Variants in AK5 observed in about 807,000 individuals in gnomAD.
AK5 encodes the protein adenylate kinase isoenzyme 5.
Under a neutral mutation model 69.5 loss-of-function variants are expected in AK5, and 27 were observed. That is an observed-to-expected ratio of 0.39 (90% CI 0.29 to 0.54). The LOEUF is 0.54. Among genes scored for constraint, AK5 ranks in the 20% least tolerant of loss-of-function variants. The probability of loss-of-function intolerance (pLI) is 0.71; values close to 1 mark genes in which losing one functional copy is unlikely to be tolerated. For synonymous variants in AK5, 260 were observed against 244.4 expected (o/e 1.06, Z -0.60); for missense variants, 531 against 700.4 (o/e 0.76, Z 2.73).
At chr1:77,457,801 G>A (rs1488276591) in intron 8 of AK5, among the ~76,000 whole-genome samples, 2 of 152,126 alleles carry the variant, frequency 1.3e-5, no homozygotes, top group African/African-American at 2.4e-5. Context: ...GGAGTAGGAG[G>A]CTCAGCCAGT....
At chr1:77,284,846 A>C (rs1215145593) in intron 1 of AK5, among the ~76,000 whole-genome samples, 1 of 152,236 alleles carries the variant, frequency 6.6e-6, no homozygotes, top group East Asian at 1.9e-4. Flanking sequence ...TCCCATTTTA[A>C]AATCAATGCC....
intron 10 of AK5, among the ~76,000 whole-genome samples, chr1:77,488,028 A>C (rs1241570464): frequency 1.3e-5 from 2 of 152,224 alleles, no homozygotes; most frequent in Admixed American, 1.3e-4. Flanking sequence ...GTGACCAGGG[A>C]AGGCTTCCCT....
chr1:77,286,487 T>C (rs1208248865), intron 1 of AK5, among the ~76,000 whole-genome samples: 1 of 151,722 alleles, frequency 6.6e-6, no homozygotes, highest in Non-Finnish European at 1.5e-5. Context: ...TAATTGTTTA[T>C]TAAAAGACAA....
chr1:77,291,738 C>T (rs77561325), intron 2 of AK5, among the ~76,000 whole-genome samples: 18 of 152,260 alleles, frequency 1.2e-4, no homozygotes, highest in East Asian at 3.9e-4. Context: ...AGCTCCAGAC[C>T]GTAGGTAAGG....
At chr1:77,333,627 C>T (rs1449721016) in intron 5 of AK5, among the ~76,000 whole-genome samples, 1 of 150,726 alleles carries the variant, frequency 6.6e-6, no homozygotes, top group Non-Finnish European at 1.5e-5. Flanking sequence ...CAAACTATGG[C>T]CCATGTGCCA....
At chr1:77,337,864 T>A (rs1431607794) in intron 5 of AK5, among the ~76,000 whole-genome samples, 1 of 152,238 alleles carries the variant, frequency 6.6e-6, no homozygotes, top group Non-Finnish European at 1.5e-5. Flanking sequence ...ATTGTCTGAT[T>A]CTACAATCCA....
At chr1:77,410,842 A>G (rs1649995569) in intron 6 of AK5, 139 bp from the exon 7 acceptor site, 1 of 656,178 alleles carries the variant, frequency 1.5e-6, no homozygotes, top group East Asian at 2.8e-5. Flanking sequence ...TAAATGTCTG[A>G]TTAAAGACTC....
chr1:77,301,769 A>C (rs952305051), intron 5 of AK5, among the ~76,000 whole-genome samples: 1 of 152,196 alleles, frequency 6.6e-6, no homozygotes, highest in African/African-American at 2.4e-5. Flanking sequence ...CAATGAAATA[A>C]AGGCTCCTAT....
At chr1:77,506,435 G>A (rs2100277333) in intron 10 of AK5, among the ~76,000 whole-genome samples, 1 of 152,176 alleles carries the variant, frequency 6.6e-6, no homozygotes, top group East Asian at 1.9e-4. Context: ...AGCTGTAGGA[G>A]GTCACCAGCT....
At chr1:77,339,415 T>C (rs1661532526) in intron 5 of AK5, among the ~76,000 whole-genome samples, 1 of 152,208 alleles carries the variant, frequency 6.6e-6, no homozygotes, top group Admixed American at 6.5e-5. Flanking sequence ...GTTCTTTTCA[T>C]CCTACTTCTT....
At chr1:77,388,713 C>A (rs966630843) in intron 6 of AK5, among the ~76,000 whole-genome samples, 2 of 150,588 alleles carry the variant, frequency 1.3e-5, no homozygotes, top group African/African-American at 4.9e-5. Context: ...CTATTATGCT[C>A]TACTGAAAAC....
intron 8 of AK5, among the ~76,000 whole-genome samples, chr1:77,473,638 T>C (rs865953181): frequency 1.3e-5 from 2 of 152,162 alleles, no homozygotes; most frequent in African/African-American, 2.4e-5. Flanking sequence ...ATTTTTACTA[T>C]ATTTTGAAAA....
rs569142606 is a variant in AK5 at position 77,549,276 on chromosome 1, CT to C, written c.1621-9318del. Among the ~76,000 whole-genome samples the C allele has an allele frequency of 5.9e-5, 9 of 151,872 alleles. No homozygotes were observed. The South Asian group carries it at 6.3e-4, about 11-fold the overall frequency. ...TGTCTCAGACCAAAAATGGTAAATTCTTTTTTTTATGTTTATTTCTTCCTTA... is the reference window on the plus strand; with the variant it reads ...TGTCTCAGACCAAAAATGGTAAATTCTTTTTTTATGTTTATTTCTTCCTTA... On this transcript the variant is annotated intron_variant, in intron 13 of 13. Transcript: ENST00000354567.
At chr1:77,524,429 G>C (rs530100202) in intron 12 of AK5, among the ~76,000 whole-genome samples, 6 of 152,282 alleles carry the variant, frequency 3.9e-5, no homozygotes, top group African/African-American at 1.4e-4. Context: ...CAATGCGTGA[G>C]AATTTCAATT....
intron 6 of AK5, among the ~76,000 whole-genome samples, chr1:77,365,931 T>G (rs1646942179): frequency 6.6e-6 from 1 of 152,190 alleles, no homozygotes; most frequent in African/African-American, 2.4e-5. Context: ...AATTCATGTT[T>G]CTTTTCAAAA....
intron 12 of AK5, 52 bp downstream of exon 12, chr1:77,521,995 G>C (rs766826888): frequency 7.5e-6 from 10 of 1,334,670 alleles, no homozygotes; most frequent in African/African-American, 1.5e-5. Flanking sequence ...GGACATCCTT[G>C]AGGTTGGGTG....
At chr1:77,367,946 TTA>T (rs71075736) in intron 6 of AK5, among the ~76,000 whole-genome samples, 5 of 39,094 alleles carry the variant, frequency 1.3e-4, no homozygotes, top group Admixed American at 1.2e-3. Context: ...AATATATATG[TTA>T]TATATATATA....
intron 6 of AK5, among the ~76,000 whole-genome samples, chr1:77,403,900 T>C (rs1372694978): frequency 2.0e-5 from 3 of 152,226 alleles, no homozygotes; most frequent in African/African-American, 7.2e-5. Flanking sequence ...TATGGCCATT[T>C]TCATGATATT....
chr1:77,432,269 C>G (rs916382406), intron 8 of AK5, among the ~76,000 whole-genome samples: 6 of 152,044 alleles, frequency 3.9e-5, no homozygotes, highest in African/African-American at 1.5e-4. Context: ...TTGGTCTGGT[C>G]CCATATCAGA....
Sources: allele counts gnomAD v4.1 joint callset (sites outside exome capture counted in the v4.1 genomes callset), GRCh38; gene constraint gnomAD v4.1.1; transcripts MANE v1.5; gene names NCBI Gene and HGNC (gene_info 2026-07-23, HGNC 2026-07-21).